The following WDFY1 variants were observed in gnomAD, a reference collection of about 807,000 sequenced individuals.
The protein encoded by WDFY1 is WD repeat and FYVE domain containing 1, also known as WD repeat and FYVE domain-containing protein 1.
Under a neutral mutation model 56.4 loss-of-function variants are expected in WDFY1, and 32 were observed. That is an observed-to-expected ratio of 0.57 (90% confidence interval 0.43 to 0.76). WDFY1 has a LOEUF of 0.76. Among genes scored for constraint, WDFY1 ranks in the 30% least tolerant of loss-of-function variants. The probability of loss-of-function intolerance (pLI) is 0.00; values close to 1 mark genes in which losing one functional copy is unlikely to be tolerated. For synonymous variants in WDFY1, 192 were observed against 197.3 expected, an observed-to-expected ratio of 0.97 and a Z score of 0.23; for missense variants, 480 against 545.7, an observed-to-expected ratio of 0.88 and a Z score of 1.20.
chr2:223,928,897 T>C (rs1039111379), intron 1 of WDFY1, among the ~76,000 whole-genome samples: 1 of 151,828 alleles, frequency 6.6e-6, no homozygotes, highest in Non-Finnish European at 1.5e-5. Flanking sequence ...CAGATGTTAT[T>C]GCAGGGGGGG....
chr2:223,936,058 CTT>C (rs375847263), intron 1 of WDFY1, among the ~76,000 whole-genome samples: 41 of 105,650 alleles, frequency 3.9e-4, no homozygotes, highest in Non-Finnish European at 2.9e-4. Flanking sequence ...TCCCAAAGTC[CTT>C]TTTTTTTTTT....
At chr2:223,885,482 C>A (rs1014270173) in intron 8 of WDFY1, among the ~76,000 whole-genome samples, 24 of 152,150 alleles carry the variant, frequency 1.6e-4, no homozygotes, top group African/African-American at 5.5e-4. Flanking sequence ...CAGTCACGAG[C>A]CACTGCGCCC....
At chr2:223,878,782 C>A in intron 11 of WDFY1, 52 bp from the exon 12 acceptor site, 1 of 1,607,320 alleles carries the variant, frequency 6.2e-7, no homozygotes. Context: ...CCAGGTCTAA[C>A]GGCAAGAGTC....
intron 4 of WDFY1, 44 bp downstream of exon 4, chr2:223,905,902 AT>A (rs1213560816): frequency 7.6e-7 from 1 of 1,311,792 alleles, no homozygotes; most frequent in South Asian, 1.6e-5. Context: ...AGTTTTGTGT[AT>A]GTCTACATGT....
Position 223,890,514 on chromosome 2 carries a change from C to G in WDFY1, c.831+3720G>C, listed in dbSNP as rs183069373. The stretch of plus-strand genomic sequence containing the variant: ...ACATATTTTAATATAAGAGATACCC[C>G]TAACTTTATTTCACTTAATACTCAG... On this transcript the variant is annotated intron_variant, in intron 8 of 11. Transcript: ENST00000233055. Among the ~76,000 whole-genome samples the G allele has an allele frequency of 3.9e-5, 6 of 152,274 alleles. No homozygotes were observed. The East Asian group carries it at 9.7e-4, about 25-fold the overall frequency.
At chr2:223,891,265 C>T (rs756426408) in intron 8 of WDFY1, among the ~76,000 whole-genome samples, 1 of 150,612 alleles carries the variant, frequency 6.6e-6, no homozygotes, top group Non-Finnish European at 1.5e-5. Context: ...AGCCTGTCAC[C>T]CCAGATACCT....
chr2:223,884,859 CTT>C (rs1553535378), intron 8 of WDFY1, 110 bp from the exon 9 acceptor site: 1,405 of 686,656 alleles, frequency 2.0e-3, no homozygotes, highest in East Asian at 9.4e-3. Context: ...TTCTTTTCTT[CTT>C]TTTTTTTTTT....
chr2:223,897,816 G>A (rs1693424027), intron 6 of WDFY1, among the ~76,000 whole-genome samples: 1 of 151,944 alleles, frequency 6.6e-6, no homozygotes, highest in African/African-American at 2.4e-5. Context: ...GAGCTCCCTT[G>A]AGATATGGTT....
chr2:223,924,317 T>C (rs2106096159), intron 1 of WDFY1, among the ~76,000 whole-genome samples: 1 of 152,244 alleles, frequency 6.6e-6, no homozygotes, highest in Non-Finnish European at 1.5e-5. Flanking sequence ...TCTCCATATA[T>C]GACTATGTTA....
intron 1 of WDFY1, among the ~76,000 whole-genome samples, chr2:223,943,629 A>C (rs1010455711): frequency 1.3e-5 from 2 of 152,250 alleles, no homozygotes; most frequent in Non-Finnish European, 2.9e-5. Context: ...CATTGCATCA[A>C]GGAAACACAG....
chr2:223,928,953 G>C (rs1694030069), intron 1 of WDFY1, among the ~76,000 whole-genome samples: 1 of 152,198 alleles, frequency 6.6e-6, no homozygotes, highest in Non-Finnish European at 1.5e-5. Flanking sequence ...CTGGACACCA[G>C]ACTAGAGGTG....
chr2:223,923,679 T>C (rs1693928223), intron 1 of WDFY1, among the ~76,000 whole-genome samples: 3 of 151,964 alleles, frequency 2.0e-5, no homozygotes, highest in African/African-American at 7.3e-5. Context: ...GAGAATGGCA[T>C]GAACCTGGGA....
chr2:223,889,103 C>T (rs1029744543), intron 8 of WDFY1, among the ~76,000 whole-genome samples: 1 of 151,884 alleles, frequency 6.6e-6, no homozygotes, highest in Non-Finnish European at 1.5e-5. Context: ...GGGATTTCAC[C>T]ATGTTGGCCA....
At chr2:223,944,445 G>A (rs1270659458) in intron 1 of WDFY1, among the ~76,000 whole-genome samples, 1 of 152,104 alleles carries the variant, frequency 6.6e-6, no homozygotes. Flanking sequence ...GGTGGGCTGG[G>A]AGGGGCGCGT....
intron 5 of WDFY1, among the ~76,000 whole-genome samples, chr2:223,899,475 T>A (rs1239513388): frequency 6.6e-6 from 1 of 152,216 alleles, no homozygotes; most frequent in East Asian, 1.9e-4. Context: ...CTGGCTGCAG[T>A]GGCTCATGCC....
In WDFY1 at chr2:223,901,241, T is replaced by C. The variant is rs138584596; in HGVS notation, c.427A>G (p.Thr143Ala). ...GHDKCVSWMC[T>A]RSGNMLGRHF... ...CTCCCGAGCATGTTCCCGCTCCGCGTGCACATCCAGCTCACACACTTGTCG... is the reference window on the plus strand; with the variant it reads ...CTCCCGAGCATGTTCCCGCTCCGCGCGCACATCCAGCTCACACACTTGTCG... The change falls in exon 5 of 12, where the codon ACG (threonine) becomes GCG (alanine). Residue 143 changes from threonine (T) to alanine (A), a missense_variant. Coordinates refer to ENST00000233055, the MANE Select transcript of WDFY1 (RefSeq NM_020830.5). The C allele has an allele frequency of 2.2e-5, 36 of 1,614,038 alleles. No individual in the cohort carries two copies. In the African/African-American group the frequency reaches 3.9e-4, roughly 17 times the overall value.
intron 1 of WDFY1, among the ~76,000 whole-genome samples, chr2:223,936,819 CCT>C (rs1688795102): frequency 6.6e-6 from 1 of 152,182 alleles, no homozygotes; most frequent in South Asian, 2.1e-4. Flanking sequence ...ACATGACCAG[CCT>C]CTAACACTGA....
intron 1 of WDFY1, among the ~76,000 whole-genome samples, chr2:223,929,242 T>C (rs999711394): frequency 6.7e-6 from 1 of 148,564 alleles, no homozygotes; most frequent in Non-Finnish European, 1.5e-5. Flanking sequence ...GGCTGGAGTG[T>C]GATGGTGAGA....
Position 223,895,601 on chromosome 2 carries a change from T to C in WDFY1, c.628A>G (p.Ile210Val), listed in dbSNP as rs2106078452. ...GCTCCTGAGAAGAGTAACCGCTGAA[T>C]AGGGTCCCACCAGAGGCAGGCGACA... Reference protein sequence around the residue: ...GSVACLWWDPIQRLLFSGASD... With the variant: ...GSVACLWWDPVQRLLFSGASD... Residue 210 changes from isoleucine to valine, a missense_variant, in exon 7 of 12, where the codon ATT becomes GTT. Ile to Val is a conservative substitution (Grantham distance 29). Coordinates refer to ENST00000233055, the MANE Select transcript of WDFY1 (RefSeq NM_020830.5). 3 of 1,613,732 alleles carry C rather than the reference T, an allele frequency of 1.9e-6. No individual in the cohort carries two copies. Among genetic ancestry groups the C allele is most frequent in the South Asian group, 1.1e-5 (1 of 91,064 alleles).
Sources: allele counts gnomAD v4.1 joint callset (sites outside exome capture counted in the v4.1 genomes callset), GRCh38; gene constraint gnomAD v4.1.1; transcripts MANE v1.5; gene names NCBI Gene and HGNC (gene_info 2026-07-23, HGNC 2026-07-21).